The following CDYL variants were observed in gnomAD, a reference collection of about 807,000 sequenced individuals.
CDYL encodes chromodomain Y-like protein.
CDYL carries 8 observed loss-of-function variants against 47.3 expected under a neutral mutation model. The ratio of observed to expected loss-of-function variants is 0.17; its 90% CI spans 0.10 to 0.31. The LOEUF is 0.31. Ranked by LOEUF, CDYL falls within the 10% of genes least tolerant of loss-of-function variation. CDYL has a pLI of 1.00. For synonymous variants in CDYL, 266 were observed against 265.0 expected, an observed-to-expected ratio of 1.00 and a Z score of -0.04; for missense variants, 471 against 701.4, an observed-to-expected ratio of 0.67 and a Z score of 3.71.
At chr6:4,940,585 G>T (rs1032027770) in intron 4 of CDYL, among the ~76,000 whole-genome samples, 1 of 152,212 alleles carries the variant, frequency 6.6e-6, no homozygotes, top group South Asian at 2.1e-4. Flanking sequence ...TTTGCAGTTT[G>T]CAGGGTAATT....
intron 3 of CDYL, among the ~76,000 whole-genome samples, chr6:4,761,189 A>T (rs576484288): frequency 6.6e-6 from 1 of 152,328 alleles, no homozygotes; most frequent in African/African-American, 2.4e-5. Flanking sequence ...CGGCAGATAA[A>T]GACCAAGATT....
At chr6:4,851,800 C>G (rs367652720) in intron 1 of CDYL, among the ~76,000 whole-genome samples, 127 of 152,278 alleles carry the variant, frequency 8.3e-4, no homozygotes, top group African/African-American at 2.8e-3. Context: ...ATGTTTAAAC[C>G]TGAGAAACTG....
In CDYL at chr6:4,758,351, A is replaced by AATATATAT. The variant is rs56250752; in HGVS notation, c.186+23520_186+23527dup. On this transcript the variant is annotated intron_variant, in intron 3 of 8. Coordinates refer to the CDYL transcript ENST00000328908. ...AAGACTCATGTCTTGAAAATAAATAAATATATATATATATATATATCTCTT... is the reference window on the plus strand; with the variant it reads ...AAGACTCATGTCTTGAAAATAAATAAATATATATATATATATATATATATATATCTCTT... Among the ~76,000 whole-genome samples the AATATATAT allele has an allele frequency of 3.2e-3, 415 of 129,074 alleles. 4 individuals are homozygous for AATATATAT. The highest frequency in any genetic ancestry group is 0.012 in the African/African-American group (377 of 32,676). The allele number at this position is 129,074 out of a possible 152,430, so 84.7% of individuals were successfully genotyped here. A position where few individuals can be genotyped will look rare whatever the true frequency, so the allele number is the denominator to read the frequency against.
At chr6:4,945,108 A>T (rs72823968) in intron 5 of CDYL, among the ~76,000 whole-genome samples, 15,102 of 152,194 alleles carry the variant, frequency 0.099, 930 homozygotes, top group South Asian at 0.16. Context: ...TCAGAACATC[A>T]GGGACCCAGG....
chr6:4,921,361 C>T (rs1010558462), intron 2 of CDYL, among the ~76,000 whole-genome samples: 7 of 152,218 alleles, frequency 4.6e-5, no homozygotes, highest in Non-Finnish European at 7.3e-5. Context: ...AGTCCACTTG[C>T]CCTTCCCGTA....
intron 5 of CDYL, among the ~76,000 whole-genome samples, chr6:4,951,064 C>T (rs1204855341): frequency 6.6e-6 from 1 of 152,172 alleles, no homozygotes; most frequent in African/African-American, 2.4e-5. Flanking sequence ...GTGTGCTCTC[C>T]AAGCTGCGGG....
intron 3 of CDYL, among the ~76,000 whole-genome samples, chr6:4,760,540 A>G (rs983074277): frequency 6.6e-6 from 1 of 152,172 alleles, no homozygotes; most frequent in East Asian, 1.9e-4. Flanking sequence ...TTAGAGGAAT[A>G]TTCGTGGAGT....
chr6:4,944,434 G>A (rs1013350470), intron 5 of CDYL, among the ~76,000 whole-genome samples: 2 of 152,230 alleles, frequency 1.3e-5, no homozygotes, highest in African/African-American at 4.8e-5. Context: ...GGATGTGCGG[G>A]AAGCGTTGCA....
chr6:4,897,687 C>T (rs1468588994), intron 2 of CDYL, among the ~76,000 whole-genome samples: 1 of 151,944 alleles, frequency 6.6e-6, no homozygotes, highest in East Asian at 1.9e-4. Context: ...GAAGCTGAAG[C>T]TGGAGGATAG....
At chr6:4,935,835 C>T (rs1758175673) in intron 3 of CDYL, 64 bp downstream of exon 3, 2 of 1,594,748 alleles carry the variant, frequency 1.3e-6, no homozygotes, top group Non-Finnish European at 1.7e-6. Flanking sequence ...CCAGGCCTGC[C>T]TGGCTGAACT....
intron 2 of CDYL, among the ~76,000 whole-genome samples, chr6:4,728,690 G>A (rs573357740): frequency 1.4e-4 from 21 of 152,126 alleles, no homozygotes; most frequent in African/African-American, 5.1e-4. Flanking sequence ...CAAGCCCCTG[G>A]ACAGAGGGCT....
intron 2 of CDYL, among the ~76,000 whole-genome samples, chr6:4,725,737 C>G (rs2127412262): frequency 6.6e-6 from 1 of 152,354 alleles, no homozygotes; most frequent in African/African-American, 2.4e-5. Flanking sequence ...CTTGGCCAGC[C>G]CAGAAAGGGG....
At position 4,879,614 on chromosome 6, in the gene CDYL, A is replaced by G. The variant is rs1007243001; in HGVS notation, c.25-12099A>G. Among the ~76,000 whole-genome samples the G allele has an allele frequency of 8.4e-5, 11 of 131,050 alleles. No homozygotes were observed. In the East Asian group the frequency reaches 1.1e-3, roughly 13 times the overall value. 86.0% of individuals were successfully genotyped at this position (131,050 alleles called of 152,430 possible). On this transcript the variant is annotated intron_variant, in intron 1 of 6. Transcript: ENST00000397588. ...GCTCTTGTTGCCCAGGCTGGAGTGC[A>G]GTGGCACAATCTTGGCTCATTGCAA... is the stretch of plus-strand genomic sequence containing the variant.
intron 1 of CDYL, among the ~76,000 whole-genome samples, chr6:4,787,069 A>G (rs1479347118): frequency 6.6e-6 from 1 of 152,150 alleles, no homozygotes; most frequent in African/African-American, 2.4e-5. Context: ...GGAAGTTCTC[A>G]ACTGTCTTAC....
chr6:4,767,729 C>T (rs535733792), intron 3 of CDYL, among the ~76,000 whole-genome samples: 8 of 152,288 alleles, frequency 5.3e-5, no homozygotes, highest in Non-Finnish European at 1.0e-4. Flanking sequence ...TAATAAAAAT[C>T]AAGACCTGGT....
chr6:4,923,826 G>A (rs564529095), intron 2 of CDYL, among the ~76,000 whole-genome samples: 18 of 150,382 alleles, frequency 1.2e-4, no homozygotes, highest in East Asian at 5.9e-4. Flanking sequence ...GCGTGAACCC[G>A]GGAGGCGGAG....
upstream of CDYL, among the ~76,000 whole-genome samples, chr6:4,772,165 C>A (rs1173117163): frequency 2.0e-5 from 3 of 152,180 alleles, no homozygotes; most frequent in East Asian, 5.8e-4. Flanking sequence ...GTGATGGTAT[C>A]ACAGCCTAAG....
chr6:4,954,014 C>T lies in CDYL; in HGVS notation c.1593C>T (p.Asp531=), dbSNP rs1758792768. Residue 531 remains aspartate (D), a synonymous_variant, in exon 7 of 7, where the codon GAC becomes GAT. Coordinates refer to ENST00000397588, the MANE Select transcript of CDYL (RefSeq NM_004824.4). ...TCTGGGGCTCGGCCCAGGGGATGGACTCCATGTTAAAGTACTTGCAGAGGA... is the reference window on the plus strand; with the variant it reads ...TCTGGGGCTCGGCCCAGGGGATGGATTCCATGTTAAAGTACTTGCAGAGGA... ...KKIWGSAQGM[D]SMLKYLQRKI... The T allele has an allele frequency of 6.8e-6, 11 of 1,614,016 alleles. No individual in the cohort carries two copies. The highest frequency in any genetic ancestry group is 9.3e-6 in the Non-Finnish European group (11 of 1,179,990).
chr6:4,708,982 G>A (rs1008520905), intron 1 of CDYL, among the ~76,000 whole-genome samples: 7 of 151,952 alleles, frequency 4.6e-5, no homozygotes, highest in African/African-American at 1.4e-4. Context: ...ACTCCAGCCT[G>A]GGTGACAGAG....
Sources: gnomAD v4.1 joint callset for allele counts (sites outside exome capture counted in the v4.1 genomes callset) on GRCh38, gnomAD v4.1.1 for gene constraint, MANE v1.5 for transcripts, NCBI Gene and HGNC (gene_info 2026-07-23, HGNC 2026-07-21) for gene names.